Variants in ZNF484 observed in about 807,000 individuals in gnomAD.
ZNF484 encodes the protein zinc finger protein 484, also known as KRAB box containing C2H2 type zinc finger bA526D8.4.
ZNF484 carries 11 observed loss-of-function variants against 12.9 expected under a neutral mutation model. The ratio of observed to expected loss-of-function variants is 0.85; its 90% CI spans 0.54 to 1.41. The LOEUF (loss-of-function observed/expected upper bound fraction) is 1.41, where lower values mean the gene tolerates loss of function less well. Ranked by LOEUF, ZNF484 falls within the 40% of genes most tolerant of loss-of-function variation. The pLI is 0.00. For synonymous variants in ZNF484, 289 were observed against 334.1 expected, an observed-to-expected ratio of 0.86 and a Z score of 1.47; for missense variants, 807 against 1,007.7, an observed-to-expected ratio of 0.80 and a Z score of 2.70.
In ZNF484 at chr9:92,855,878, G is replaced by A. The variant is rs1480279302; in HGVS notation, c.168C>T (p.Val56=). The change falls in exon 4 of 5, where the codon GTC becomes GTT. Residue 56 remains valine, a synonymous_variant. Transcript: ENST00000375495. ...SVGCQVPKPE[V]IFSLEQEEPC... ...GCTCTTCTTGTTCCAAGCTGAAGATGACTTCTGGTTTGGGAACTTGACATC... is the reference window on the plus strand; with the variant it reads ...GCTCTTCTTGTTCCAAGCTGAAGATAACTTCTGGTTTGGGAACTTGACATC... 1 of 1,613,974 alleles carries A rather than the reference G, an allele frequency of 6.2e-7. No homozygotes were observed. The highest frequency in any genetic ancestry group is 1.3e-5 in the African/African-American group (1 of 74,904).
intron 2 of ZNF484, among the ~76,000 whole-genome samples, chr9:92,868,324 TAA>T (rs1435519154): frequency 6.6e-6 from 1 of 152,190 alleles, no homozygotes; most frequent in Admixed American, 6.5e-5. Flanking sequence ...GGAGTTTCTT[TAA>T]AGAGCTGAAA....
At chr9:92,869,086 C>T (rs2118180345) in intron 2 of ZNF484, among the ~76,000 whole-genome samples, 1 of 151,936 alleles carries the variant, frequency 6.6e-6, no homozygotes, top group Admixed American at 6.6e-5. Flanking sequence ...AGCAATAACT[C>T]GTAGGGGTTG....
intron 2 of ZNF484, among the ~76,000 whole-genome samples, chr9:92,857,976 G>T (rs1856563354): frequency 6.6e-6 from 1 of 152,104 alleles, no homozygotes; most frequent in African/African-American, 2.4e-5. Context: ...AGGCTGGTCT[G>T]GGACTCCTGA....
intron 2 of ZNF484, among the ~76,000 whole-genome samples, chr9:92,869,483 A>G (rs1482511663): frequency 2.6e-5 from 4 of 152,174 alleles, no homozygotes; most frequent in African/African-American, 9.7e-5. Flanking sequence ...GCACTTTGGG[A>G]GGCTAAGGTG....
intron 2 of ZNF484, among the ~76,000 whole-genome samples, chr9:92,873,804 G>A (rs1428720972): frequency 6.6e-6 from 1 of 151,664 alleles, no homozygotes; most frequent in African/African-American, 2.4e-5. Context: ...CAGGGTTATC[G>A]TGATACCTAA....
In ZNF484 at chr9:92,847,348, T is replaced by A; in HGVS notation, c.1439A>T (p.Lys480Met). 2 of 1,613,808 alleles carry A rather than the reference T, an allele frequency of 1.2e-6. No individual in the cohort carries two copies. The highest frequency in any genetic ancestry group is 1.7e-4 in the Middle Eastern group (1 of 6,060). ...TTTCTGGTGTATAATGAGATTTGTC[T>A]TGTGAGTGAAGACCTTCCCACATTC... ...CSECGKVFTH[K>M]TNLIIHQKIH... Residue 480 changes from lysine to methionine, a missense_variant, in exon 5 of 5, where the codon AAG (lysine) becomes ATG (methionine). Lys to Met is a moderately conservative substitution (Grantham distance 95). Coordinates refer to ENST00000375495, the MANE Select transcript of ZNF484 (RefSeq NM_031486.4).
At chr9:92,852,557 A>G in intron 4 of ZNF484, among the ~76,000 whole-genome samples, 1 of 70,010 alleles carries the variant, frequency 1.4e-5, no homozygotes, top group Non-Finnish European at 2.5e-5. Flanking sequence ...TTTTTTTGAG[A>G]CGGAGTGTCG....
rs141421042 is a variant in ZNF484 at position 92,869,380 on chromosome 9, T to C, written c.15+5635A>G. ...GGCTCACTTGTGAATATTGTTAAAA[T>C]AATCATCATAATAAAATGCAGCCTA... On this transcript the variant is annotated intron_variant, in intron 2 of 4. Coordinates refer to ENST00000375495, the MANE Select transcript of ZNF484 (RefSeq NM_031486.4). Among the ~76,000 whole-genome samples, 773 of 152,204 alleles carry C rather than the reference T, an allele frequency of 5.1e-3. 4 individuals carry two copies. The highest frequency in any genetic ancestry group is 0.02 in the Middle Eastern group (6 of 294).
rs1855478903 is a variant in ZNF484, at chr9:92,844,448, C to T, written c.*1780G>A. ...ACACACACACCCCAAAACCACTAAACCACAGATTTAAAAAACATTATAAAC... is the reference window on the plus strand; with the variant it reads ...ACACACACACCCCAAAACCACTAAATCACAGATTTAAAAAACATTATAAAC... On this transcript the variant is annotated 3_prime_UTR_variant, in exon 5 of 5. Coordinates refer to ENST00000375495, the MANE Select transcript of ZNF484 (RefSeq NM_031486.4). Among the ~76,000 whole-genome samples, 2 of 151,994 alleles carry T rather than the reference C, an allele frequency of 1.3e-5. No homozygotes were observed. Among genetic ancestry groups the T allele is most frequent in the African/African-American group, 4.8e-5 (2 of 41,376 alleles).
At chr9:92,871,605 C>T (rs1370090473) in intron 2 of ZNF484, among the ~76,000 whole-genome samples, 2 of 152,182 alleles carry the variant, frequency 1.3e-5, no homozygotes, top group East Asian at 3.9e-4. Flanking sequence ...AAGGATAAAA[C>T]CAAAGAAATT....
At chr9:92,860,688 GC>G (rs1332243855) in intron 2 of ZNF484, among the ~76,000 whole-genome samples, 2 of 151,420 alleles carry the variant, frequency 1.3e-5, no homozygotes, top group Non-Finnish European at 2.9e-5. Context: ...TGCATCCTTT[GC>G]CTTCTTCACA....
At position 92,845,563 on chromosome 9, in the gene ZNF484, TAAC is replaced by T. The variant is rs1564093594; in HGVS notation, c.*662_*664del. On this transcript the variant is annotated 3_prime_UTR_variant, in exon 5 of 5. Transcript: ENST00000375495. The surrounding 1 kb of genome is among the most constrained non-coding windows in gnomAD (Gnocchi z 4.0). The stretch of plus-strand genomic sequence containing the variant: ...GTCCTATTTTTCAAACAGGAGTTGG[TAAC>T]AACAACATCAAAAAAGTGCAGGTTT... 1 of 152,164 alleles carries T rather than the reference TAAC, an allele frequency of 6.6e-6. No individual in the cohort carries two copies. The highest frequency in any genetic ancestry group is 1.9e-4 in the East Asian group (1 of 5,202). The allele number at this position is 152,164 out of a possible 1,614,324, so 9.4% of individuals were successfully genotyped here.
intron 2 of ZNF484, among the ~76,000 whole-genome samples, chr9:92,870,592 G>A (rs1356370663): frequency 6.6e-6 from 1 of 152,192 alleles, no homozygotes; most frequent in Non-Finnish European, 1.5e-5. Flanking sequence ...ATGCCAGTGG[G>A]AGCCACCTCA....
At chr9:92,864,349 C>A (rs1022833) in intron 2 of ZNF484, among the ~76,000 whole-genome samples, 1 of 151,768 alleles carries the variant, frequency 6.6e-6, no homozygotes, top group African/African-American at 2.4e-5. Context: ...TGGCCTGGAA[C>A]GCTGACTCAG....
At position 92,856,277 on chromosome 9, in the gene ZNF484, C is replaced by T; in HGVS notation, c.57G>A (p.Arg19=). 6.2e-7 allele frequency: 1 copy of T among 1,613,070 alleles called. No individual in the cohort carries two copies. Residue 19 remains arginine, a synonymous_variant, in exon 3 of 5, where the codon AGG becomes AGA. Transcript: ENST00000375495. ...CAAGGTCTAATTGTTGCCACTCATC[C>T]CTACTGAAGTCTACAGTTACGTCCT... is the stretch of plus-strand genomic sequence containing the variant. ...SFKDVTVDFS[R]DEWQQLDLAQ...
At chr9:92,870,957 T>C (rs1857394164) in intron 2 of ZNF484, among the ~76,000 whole-genome samples, 1 of 152,166 alleles carries the variant, frequency 6.6e-6, no homozygotes, top group South Asian at 2.1e-4. Context: ...ATTCCCACAC[T>C]GGCCCAGAGG....
chr9:92,851,062 C>T (rs1320201933), intron 4 of ZNF484, among the ~76,000 whole-genome samples: 1 of 152,260 alleles, frequency 6.6e-6, no homozygotes, highest in Non-Finnish European at 1.5e-5. Flanking sequence ...CACATGGCTG[C>T]TTCACAACAC....
At chr9:92,852,567 G>A (rs1482582208) in intron 4 of ZNF484, among the ~76,000 whole-genome samples, 3 of 102,776 alleles carry the variant, frequency 2.9e-5, no homozygotes, top group South Asian at 3.0e-4. Flanking sequence ...ACGGAGTGTC[G>A]TTCTTGTCAC....
At chr9:92,859,190 G>A (rs971643048) in intron 2 of ZNF484, among the ~76,000 whole-genome samples, 1 of 152,128 alleles carries the variant, frequency 6.6e-6, no homozygotes, top group Non-Finnish European at 1.5e-5. Context: ...AAGTATATCA[G>A]TAATTACATT....
Sources: allele counts gnomAD v4.1 joint callset (sites outside exome capture counted in the v4.1 genomes callset), GRCh38; gene constraint gnomAD v4.1.1; non-coding constraint Gnocchi (gnomAD v3.1); transcripts MANE v1.5; gene names NCBI Gene and HGNC (gene_info 2026-07-23, HGNC 2026-07-21).